DLGAP2: variants seen among roughly 807,000 people sequenced by gnomAD.
DLGAP2 encodes DLG associated protein 2.
In DLGAP2, 26 loss-of-function variants were observed where a neutral mutation model predicts 100.3. The observed-to-expected ratio is 0.26, with a 90% CI of 0.19 to 0.36. The LOEUF (loss-of-function observed/expected upper bound fraction) is 0.36, where lower values mean the gene tolerates loss of function less well. Among genes scored for constraint, DLGAP2 ranks in the 10% least tolerant of loss-of-function variants. DLGAP2 has a pLI of 1.00. For missense variants in DLGAP2, 1,858 were observed against 1,453.2 expected (o/e 1.28, Z -4.53); for synonymous variants, 886 against 630.1 (o/e 1.41, Z -6.08).
chr8:1,086,567 A>G (rs2701938), intron 2 of DLGAP2, among the ~76,000 whole-genome samples: 3,707 of 152,330 alleles, frequency 0.024, 139 homozygotes, highest in African/African-American at 0.085. Context: ...AGTGATGGAA[A>G]AAGATATTCC....
chr8:1,496,762 C>T (rs1028829574), intron 3 of DLGAP2, among the ~76,000 whole-genome samples: 2 of 152,128 alleles, frequency 1.3e-5, no homozygotes, highest in Admixed American at 6.5e-5. Flanking sequence ...CGGGACAGGT[C>T]CACGCTCTCC....
At chr8:1,048,606 T>G (rs1314849949) in intron 2 of DLGAP2, among the ~76,000 whole-genome samples, 1 of 151,756 alleles carries the variant, frequency 6.6e-6, no homozygotes. Flanking sequence ...CTTGGTGTGT[T>G]TCCTTGGGCC....
chr8:1,099,185 C>G (rs75553859), intron 2 of DLGAP2, among the ~76,000 whole-genome samples: 10,480 of 152,194 alleles, frequency 0.069, 805 homozygotes, highest in African/African-American at 0.19. Flanking sequence ...GTGGTTTTAC[C>G]TGGCTGTGCT....
intron 3 of DLGAP2, among the ~76,000 whole-genome samples, chr8:1,285,143 C>G (rs73170415): frequency 0.027 from 4,037 of 152,228 alleles, 65 homozygotes; most frequent in Middle Eastern, 0.054. Flanking sequence ...AATGAGGAAA[C>G]TTGGCTCTTG....
chr8:792,161 A>C (rs1822047308), intron 1 of DLGAP2, among the ~76,000 whole-genome samples: 1 of 152,232 alleles, frequency 6.6e-6, no homozygotes, highest in African/African-American at 2.4e-5. Context: ...GAACAAGCTG[A>C]CATAATTTTA....
intron 3 of DLGAP2, among the ~76,000 whole-genome samples, chr8:1,469,322 C>A (rs1196814328): frequency 9.9e-5 from 15 of 152,234 alleles, no homozygotes; most frequent in Admixed American, 9.8e-4. Context: ...CTGCTCCCTG[C>A]CCAGCAGGCC....
chr8:921,077 A>C (rs949976729), intron 2 of DLGAP2, among the ~76,000 whole-genome samples: 8 of 152,224 alleles, frequency 5.3e-5, no homozygotes, highest in Non-Finnish European at 1.0e-4. Flanking sequence ...AACTTGATGC[A>C]GATTTAATCC....
intron 4 of DLGAP2, among the ~76,000 whole-genome samples, chr8:1,525,844 G>A (rs1482518670): frequency 6.6e-6 from 1 of 152,184 alleles, no homozygotes; most frequent in African/African-American, 2.4e-5. Context: ...CTCATCTCCT[G>A]TGTGACGTTG....
intron 2 of DLGAP2, among the ~76,000 whole-genome samples, chr8:1,105,669 AG>A (rs1804734602): frequency 7.1e-6 from 1 of 140,042 alleles, no homozygotes; most frequent in East Asian, 2.2e-4. Flanking sequence ...TTTCTACTGA[AG>A]GGGGCCATTC....
At chr8:848,040 T>A (rs1270454394) in intron 1 of DLGAP2, among the ~76,000 whole-genome samples, 2 of 152,164 alleles carry the variant, frequency 1.3e-5, no homozygotes, top group African/African-American at 4.8e-5. Flanking sequence ...CCTGTTACTC[T>A]TCAGTTCTGT....
chr8:1,201,866 C>G (rs534660067), intron 2 of DLGAP2, among the ~76,000 whole-genome samples: 1 of 152,096 alleles, frequency 6.6e-6, no homozygotes, highest in Non-Finnish European at 1.5e-5. Flanking sequence ...CGGTATCTAT[C>G]TGTGGTGTGT....
At chr8:1,583,425 C>G (rs540862941) in intron 6 of DLGAP2, among the ~76,000 whole-genome samples, 5 of 152,294 alleles carry the variant, frequency 3.3e-5, no homozygotes, top group Admixed American at 2.6e-4. Context: ...AGCTGGGTAC[C>G]TGGCCTGGGG....
chr8:967,083 A>G (rs1440790710), intron 2 of DLGAP2, among the ~76,000 whole-genome samples: 1 of 152,158 alleles, frequency 6.6e-6, no homozygotes. Flanking sequence ...TTCTTTGTGT[A>G]TTTACCTTTC....
chr8:994,396 C>T (rs1428791995), intron 2 of DLGAP2, among the ~76,000 whole-genome samples: 1 of 152,066 alleles, frequency 6.6e-6, no homozygotes, highest in Non-Finnish European at 1.5e-5. Flanking sequence ...GACGGGTTTT[C>T]TCCATGTTGG....
chr8:1,207,846 G>T (rs1218434423), intron 2 of DLGAP2, among the ~76,000 whole-genome samples: 1 of 151,900 alleles, frequency 6.6e-6, no homozygotes, highest in Non-Finnish European at 1.5e-5. Flanking sequence ...CCATATGTTT[G>T]TTGGCCATTT....
At chr8:1,473,788 C>G (rs1368965351) in intron 3 of DLGAP2, among the ~76,000 whole-genome samples, 1 of 152,082 alleles carries the variant, frequency 6.6e-6, no homozygotes, top group Non-Finnish European at 1.5e-5. Context: ...CTCATGAGAC[C>G]TGATGATTTT....
At chr8:1,216,643 G>A (rs1798219815) in intron 2 of DLGAP2, among the ~76,000 whole-genome samples, 1 of 151,866 alleles carries the variant, frequency 6.6e-6, no homozygotes, top group African/African-American at 2.4e-5. Flanking sequence ...GCCCTCAATT[G>A]ATTTTTAACC....
At chr8:941,665 A>G (rs1179542211) in intron 2 of DLGAP2, among the ~76,000 whole-genome samples, 3 of 152,188 alleles carry the variant, frequency 2.0e-5, no homozygotes, top group African/African-American at 7.2e-5. Flanking sequence ...GCGAAAAGCC[A>G]TGGTGTCCTA....
At chr8:1,512,715 C>CGCTGT (rs1456733555) in intron 4 of DLGAP2, among the ~76,000 whole-genome samples, 1 of 152,242 alleles carries the variant, frequency 6.6e-6, no homozygotes, top group Admixed American at 6.5e-5. Context: ...TACCCCAGCT[C>CGCTGT]GCTGTGTCCA....
Sources: allele counts gnomAD v4.1 joint callset (sites outside exome capture counted in the v4.1 genomes callset), GRCh38; gene constraint gnomAD v4.1.1; transcripts MANE v1.5; gene names NCBI Gene and HGNC (gene_info 2026-07-23, HGNC 2026-07-21).